The following TAFA1 variants were observed in gnomAD, a reference collection of about 807,000 sequenced individuals.
TAFA1 encodes TAFA chemokine like family member 1.
A neutral mutation model predicts 18.5 loss-of-function variants in TAFA1; 4 were observed. The ratio of observed to expected loss-of-function variants is 0.22; its 90% CI spans 0.11 to 0.49. The LOEUF (loss-of-function observed/expected upper bound fraction) is 0.49. TAFA1 is among the 20% of genes least tolerant of loss of function. TAFA1 has a pLI of 0.98. For missense variants in TAFA1, 147 were observed against 169.0 expected (o/e 0.87, Z 0.72); for synonymous variants, 56 against 55.2 (o/e 1.01, Z -0.06).
intron 3 of TAFA1, among the ~76,000 whole-genome samples, chr3:68,457,923 A>G (rs2071696733): frequency 6.6e-6 from 1 of 152,166 alleles, no homozygotes; most frequent in African/African-American, 2.4e-5. Flanking sequence ...ATTGTCCCAT[A>G]GACCATGATT....
Position 68,091,314 on chromosome 3 carries a change from A to G in TAFA1, c.118+84570A>G, listed in dbSNP as rs547871223. Among the ~76,000 whole-genome samples, 3 of 152,300 alleles carry G rather than the reference A, an allele frequency of 2.0e-5. No individual in the cohort carries two copies. In the East Asian group the frequency reaches 5.8e-4, roughly 29 times the overall value. On this transcript the variant is annotated intron_variant, in intron 2 of 4. Coordinates refer to ENST00000478136, the MANE Select transcript of TAFA1 (RefSeq NM_213609.4). ...ATGGCTAGCCCTGAGAACAAATGGT[A>G]TATCTTAAAGTTAGTATGTTTATTG...
chr3:68,461,381 G>GTATATATATATATA (rs1553693205), intron 3 of TAFA1, among the ~76,000 whole-genome samples: 1 of 122,548 alleles, frequency 8.2e-6, no homozygotes, highest in Non-Finnish European at 1.6e-5. Flanking sequence ...ATATATATAT[G>GTATATATATATATA]TATGTATGTA....
At chr3:68,181,808 A>T (rs978027495) in intron 2 of TAFA1, among the ~76,000 whole-genome samples, 1 of 152,144 alleles carries the variant, frequency 6.6e-6, no homozygotes, top group African/African-American at 2.4e-5. Flanking sequence ...CAACACTTTC[A>T]TCTGTAAAAT....
intron 2 of TAFA1, among the ~76,000 whole-genome samples, chr3:68,090,526 C>T (rs1261460661): frequency 2.0e-5 from 3 of 152,152 alleles, no homozygotes; most frequent in African/African-American, 7.2e-5. Flanking sequence ...TGTTCCCCTC[C>T]ACCTGTGACT....
intron 2 of TAFA1, among the ~76,000 whole-genome samples, chr3:68,110,251 G>T (rs2065249036): frequency 1.3e-5 from 2 of 152,130 alleles, no homozygotes; most frequent in African/African-American, 4.8e-5. Flanking sequence ...TCCTGTTTTA[G>T]TTTGATCAGG....
chr3:68,360,985 A>G (rs1322956925), intron 2 of TAFA1, among the ~76,000 whole-genome samples: 5 of 152,046 alleles, frequency 3.3e-5, no homozygotes, highest in African/African-American at 7.2e-5. Context: ...AAAGTGTGGT[A>G]TAGTTTTATG....
At chr3:68,183,883 T>A (rs939317548) in intron 2 of TAFA1, among the ~76,000 whole-genome samples, 1 of 152,138 alleles carries the variant, frequency 6.6e-6, no homozygotes, top group African/African-American at 2.4e-5. Flanking sequence ...TGCACAGATG[T>A]GTACTATATA....
chr3:68,041,774 A>G (rs1356708952), intron 2 of TAFA1, among the ~76,000 whole-genome samples: 3 of 152,200 alleles, frequency 2.0e-5, no homozygotes, highest in African/African-American at 7.2e-5. Flanking sequence ...ATTCGAATGT[A>G]TCTTATCTAC....
chr3:68,120,181 CTTTCTTTCT>C, intron 2 of TAFA1, among the ~76,000 whole-genome samples: 1 of 17,616 alleles, frequency 5.7e-5, no homozygotes, highest in South Asian at 3.4e-3. Context: ...CTCTTTCTTT[CTTTCTTTCT>C]TTCTTTCTTT....
intron 2 of TAFA1, among the ~76,000 whole-genome samples, chr3:68,286,212 AAAT>A (rs2068001201): frequency 1.3e-5 from 2 of 152,090 alleles, no homozygotes; most frequent in Non-Finnish European, 2.9e-5. Context: ...TCCATCTAAA[AAAT>A]AATAATAATA....
chr3:68,417,428 C>G lies in TAFA1; in HGVS notation c.259+8C>G. 1 of 1,612,976 alleles carries G rather than the reference C, an allele frequency of 6.2e-7. No homozygotes were observed. On this transcript the variant is annotated splice_region_variant and intron_variant, in intron 3 of 4. Transcript: ENST00000478136. The stretch of plus-strand genomic sequence containing the variant: ...GGCCTTCTTGCGTCGATGGTAGGTA[C>G]CTGGTTTTACCTCTTGAAAAGCTCA...
chr3:68,429,947 T>TACTC (rs774017400), intron 3 of TAFA1, among the ~76,000 whole-genome samples: 1 of 151,962 alleles, frequency 6.6e-6, no homozygotes. Flanking sequence ...TAGAGAGACT[T>TACTC]ACTCACTCAT....
chr3:68,266,541 G>T (rs1182077259), intron 2 of TAFA1, among the ~76,000 whole-genome samples: 2 of 152,090 alleles, frequency 1.3e-5, no homozygotes, highest in Non-Finnish European at 2.9e-5. Context: ...ATACCTTTCT[G>T]GAAGATACAG....
At chr3:68,082,727 T>C (rs1028189445) in intron 2 of TAFA1, among the ~76,000 whole-genome samples, 2 of 152,214 alleles carry the variant, frequency 1.3e-5, no homozygotes, top group African/African-American at 4.8e-5. Context: ...TGTCACACTA[T>C]ATAGTGAGGG....
Position 68,243,855 on chromosome 3 carries a change from C to G in TAFA1, c.119-173425C>G, listed in dbSNP as rs185472828. 2.7e-3 allele frequency among the ~76,000 whole-genome samples: 409 copies of G among 152,250 alleles called. 1 individual carries two copies. The highest frequency in any genetic ancestry group is 4.5e-3 in the Non-Finnish European group (306 of 67,998). ...AGTCCATTTTTAATTACTAAAGGAA[C>G]TGCCAAACTATTTTCTAGAGTGACT... On this transcript the variant is annotated intron_variant, in intron 2 of 4. Coordinates refer to ENST00000478136, the MANE Select transcript of TAFA1 (RefSeq NM_213609.4).
chr3:68,105,834 C>T (rs1332647195), intron 2 of TAFA1, among the ~76,000 whole-genome samples: 2 of 152,070 alleles, frequency 1.3e-5, no homozygotes, highest in African/African-American at 4.8e-5. Flanking sequence ...ATTTCAGCTG[C>T]CTCCCTATGT....
At chr3:68,491,552 AG>A (rs1191376421) in intron 3 of TAFA1, among the ~76,000 whole-genome samples, 1 of 63,952 alleles carries the variant, frequency 1.6e-5, no homozygotes, top group Non-Finnish European at 2.8e-5. Context: ...GGGTGGGGGG[AG>A]GGGGGAGGGA....
rs771782388 is a variant in TAFA1 at position 68,485,169 on chromosome 3, C to T, written c.260-53587C>T. On this transcript the variant is annotated intron_variant, in intron 3 of 4. Coordinates refer to ENST00000478136, the MANE Select transcript of TAFA1 (RefSeq NM_213609.4). ...AACTGTCTTTTCTCTTAACAATTGCCGCAGCTACAGGCTACAAAATCTCTC... is the reference window on the plus strand; with the variant it reads ...AACTGTCTTTTCTCTTAACAATTGCTGCAGCTACAGGCTACAAAATCTCTC... Among the ~76,000 whole-genome samples the T allele has an allele frequency of 5.3e-5, 8 of 152,034 alleles. No homozygotes were observed. In the East Asian group the frequency reaches 9.7e-4, roughly 18 times the overall value.
chr3:68,363,430 G>A (rs957895), intron 2 of TAFA1, among the ~76,000 whole-genome samples: 17,244 of 152,098 alleles, frequency 0.11, 1,204 homozygotes, highest in East Asian at 0.26. Flanking sequence ...ATGAGGTAGA[G>A]TGTTCCCACT....
Sources: allele counts gnomAD v4.1 joint callset (sites outside exome capture counted in the v4.1 genomes callset), GRCh38; gene constraint gnomAD v4.1.1; transcripts MANE v1.5; gene names NCBI Gene and HGNC (gene_info 2026-07-23, HGNC 2026-07-21).